AGAP1: variants seen among roughly 807,000 people sequenced by gnomAD.
AGAP1 encodes the protein arf-GAP with GTPase, ANK repeat and PH domain-containing protein 1.
AGAP1 carries 29 observed loss-of-function variants against 105.3 expected under a neutral mutation model. The observed-to-expected ratio is 0.28, with a 90% CI of 0.21 to 0.38. The LOEUF is 0.38. Among genes scored for constraint, AGAP1 ranks in the 10% least tolerant of loss-of-function variants. AGAP1 has a pLI of 1.00. For missense variants in AGAP1, 998 were observed against 1,165.1 expected, an observed-to-expected ratio of 0.86 and a Z score of 2.09; for synonymous variants, 509 against 485.9, an observed-to-expected ratio of 1.05 and a Z score of -0.63.
rs1426722500 is a variant in AGAP1 at position 236,035,342 on chromosome 2, T to A, written c.1646-1219T>A. Reference sequence around the variant, plus strand: ...TGTGTCTGAAAACCTAGTTGAAGATTTCTTAATGAGGGTCTGGTGCAGTGG... The same window carrying A: ...TGTGTCTGAAAACCTAGTTGAAGATATCTTAATGAGGGTCTGGTGCAGTGG... On this transcript the variant is annotated intron_variant, in intron 13 of 17. Coordinates refer to ENST00000304032, the MANE Select transcript of AGAP1 (RefSeq NM_001037131.3). This position sits in a 1 kb window ranked among gnomAD's most constrained non-coding sequence, Gnocchi z 4.2. Among the ~76,000 whole-genome samples the A allele has an allele frequency of 1.3e-5, 2 of 152,154 alleles. No homozygotes were observed. Among genetic ancestry groups the A allele is most frequent in the Non-Finnish European group, 2.9e-5 (2 of 68,022 alleles).
At chr2:235,945,164 G>A (rs892315961) in intron 12 of AGAP1, among the ~76,000 whole-genome samples, 65 of 152,236 alleles carry the variant, frequency 4.3e-4, no homozygotes, top group African/African-American at 1.4e-3. Context: ...GCAGTGGCGC[G>A]ATCTCGGCTC....
intron 12 of AGAP1, among the ~76,000 whole-genome samples, chr2:235,946,434 A>C (rs1320636096): frequency 6.6e-6 from 1 of 151,926 alleles, no homozygotes; most frequent in African/African-American, 2.4e-5. Context: ...CCTCCCAAAG[A>C]GCTGGGGATT....
At chr2:236,066,755 C>T (rs749818248) in intron 16 of AGAP1, among the ~76,000 whole-genome samples, 8 of 152,174 alleles carry the variant, frequency 5.3e-5, no homozygotes, top group Non-Finnish European at 2.9e-5. Context: ...CTGCATAGGT[C>T]TATCAATAAT....
intron 11 of AGAP1, among the ~76,000 whole-genome samples, chr2:235,926,752 G>C (rs566707466): frequency 2.0e-5 from 3 of 152,322 alleles, no homozygotes; most frequent in African/African-American, 7.2e-5. Flanking sequence ...GGAAGGTCCT[G>C]ACCAGAGGTC....
rs552081311 is a variant in AGAP1, at chr2:235,593,773, G to A, written c.163+98924G>A. 2.0e-4 allele frequency among the ~76,000 whole-genome samples: 30 copies of A among 152,144 alleles called. No homozygotes were observed. The South Asian group carries it at 5.2e-3, about 26-fold the overall frequency. ...GAGGCCAGGAGTTCAAGACCAGCCC[G>A]GGCAACATAGTGAGACCCACATCTC... On this transcript the variant is annotated intron_variant, in intron 1 of 17. Transcript: ENST00000304032.
In AGAP1 at chr2:235,633,729, G is replaced by A. The variant is rs1488525343; in HGVS notation, c.164-75450G>A. Among the ~76,000 whole-genome samples the A allele has an allele frequency of 6.6e-6, 1 of 152,162 alleles. No individual in the cohort carries two copies. The highest frequency in any genetic ancestry group is 2.4e-5 in the African/African-American group (1 of 41,454). ...GGGATGGGACCCCTCTGGAATGAGGGTCTTAATTACCTTATGACAGCTTTA... is the reference window on the plus strand; with the variant it reads ...GGGATGGGACCCCTCTGGAATGAGGATCTTAATTACCTTATGACAGCTTTA... On this transcript the variant is annotated intron_variant, in intron 1 of 17. Coordinates refer to ENST00000304032, the MANE Select transcript of AGAP1 (RefSeq NM_001037131.3). This position sits in a 1 kb window ranked among gnomAD's most constrained non-coding sequence, Gnocchi z 4.8.
intron 1 of AGAP1, among the ~76,000 whole-genome samples, chr2:235,580,715 T>C (rs1944902464): frequency 6.6e-6 from 1 of 152,148 alleles, no homozygotes; most frequent in African/African-American, 2.4e-5. Context: ...TGGCCTCTAA[T>C]GTTTTGACAG....
intron 1 of AGAP1, among the ~76,000 whole-genome samples, chr2:235,565,662 A>C (rs1306656529): frequency 2.6e-5 from 4 of 152,140 alleles, no homozygotes; most frequent in South Asian, 4.1e-4. Flanking sequence ...ACATTAAAAG[A>C]CTTTTTGTAT....
In AGAP1 at chr2:235,977,747, T is replaced by G. The variant is rs2054921124; in HGVS notation, c.1645+9124T>G. ...GACTTCATTCCTCTTTCTAAAGATG[T>G]AAAACAAAAGGGGATATTGACTAAT... On this transcript the variant is annotated intron_variant, in intron 13 of 17. Transcript: ENST00000304032. This position sits in a 1 kb window ranked among gnomAD's most constrained non-coding sequence, Gnocchi z 5.2. Among the ~76,000 whole-genome samples, 1 of 152,172 alleles carries G rather than the reference T, an allele frequency of 6.6e-6. No individual in the cohort carries two copies. Among genetic ancestry groups the G allele is most frequent in the Non-Finnish European group, 1.5e-5 (1 of 68,034 alleles).
In AGAP1 at chr2:235,684,602, A is replaced by G. The variant is rs144598103; in HGVS notation, c.164-24577A>G. Among the ~76,000 whole-genome samples the G allele has an allele frequency of 7.4e-4, 112 of 152,294 alleles. 1 individual carries two copies. The East Asian group carries it at 0.02, about 28-fold the overall frequency. ...GGTGCAGAGCAGTGTCTTAGAAATGAGTGAGTCTTAGTGATTTCTTGGAGT... is the reference window on the plus strand; with the variant it reads ...GGTGCAGAGCAGTGTCTTAGAAATGGGTGAGTCTTAGTGATTTCTTGGAGT... On this transcript the variant is annotated intron_variant, in intron 1 of 17. Transcript: ENST00000304032.
intron 9 of AGAP1, among the ~76,000 whole-genome samples, chr2:235,858,460 T>C (rs1221666756): frequency 6.6e-6 from 1 of 152,180 alleles, no homozygotes; most frequent in Non-Finnish European, 1.5e-5. Context: ...GGCAAATTGA[T>C]GGGCAGAACG....
intron 13 of AGAP1, among the ~76,000 whole-genome samples, chr2:236,034,090 C>T (rs1298492572): frequency 2.6e-5 from 4 of 152,146 alleles, no homozygotes; most frequent in Non-Finnish European, 5.9e-5. Flanking sequence ...TATCTGTTCA[C>T]TAGGAGAGTT....
intron 13 of AGAP1, among the ~76,000 whole-genome samples, chr2:236,034,758 C>T (rs753016573): frequency 1.1e-4 from 17 of 152,356 alleles, no homozygotes; most frequent in Middle Eastern, 3.4e-3. Flanking sequence ...GACCTCCACT[C>T]AGCACGTGCA....
chr2:236,052,587 C>T (rs568029398), intron 16 of AGAP1, among the ~76,000 whole-genome samples: 1 of 152,172 alleles, frequency 6.6e-6, no homozygotes, highest in Non-Finnish European at 1.5e-5. Context: ...AAGCTGACGG[C>T]GGCTGAAGCA....
chr2:235,818,061 C>T (rs1240797031), intron 9 of AGAP1, among the ~76,000 whole-genome samples: 2 of 152,248 alleles, frequency 1.3e-5, no homozygotes, highest in Non-Finnish European at 2.9e-5. Context: ...TCAATCCGAT[C>T]TGCTCCCTGC....
intron 1 of AGAP1, among the ~76,000 whole-genome samples, chr2:235,628,325 C>A (rs1946709604): frequency 1.3e-5 from 2 of 152,180 alleles, no homozygotes; most frequent in African/African-American, 4.8e-5. Context: ...GCAGAGGATA[C>A]TGAGCCTGAC....
intron 6 of AGAP1, among the ~76,000 whole-genome samples, chr2:235,768,808 G>A (rs1222052581): frequency 6.6e-6 from 1 of 152,190 alleles, no homozygotes; most frequent in South Asian, 2.1e-4. Flanking sequence ...CAGTGTTGTC[G>A]GGGATCTGGG....
At chr2:236,116,528 T>C (rs2059775212) in intron 16 of AGAP1, among the ~76,000 whole-genome samples, 1 of 151,940 alleles carries the variant, frequency 6.6e-6, no homozygotes, top group Non-Finnish European at 1.5e-5. Flanking sequence ...TTTGTATTTT[T>C]AGTAGAGACA....
rs2055161615 is a variant in AGAP1 at position 235,983,058 on chromosome 2, C to G, written c.1645+14435C>G. Among the ~76,000 whole-genome samples, 1 of 152,186 alleles carries G rather than the reference C, an allele frequency of 6.6e-6. No individual in the cohort carries two copies. Among genetic ancestry groups the G allele is most frequent in the Admixed American group, 6.5e-5 (1 of 15,282 alleles). On this transcript the variant is annotated intron_variant, in intron 13 of 17. Transcript: ENST00000304032. This position sits in a 1 kb window ranked among gnomAD's most constrained non-coding sequence, Gnocchi z 4.5. Reference sequence around the variant, plus strand: ...TGAGCATGAGGAGACATTCCTTAAGCCAGCCTGGTCTGTGGAGGTGTGCTC... The same window carrying G: ...TGAGCATGAGGAGACATTCCTTAAGGCAGCCTGGTCTGTGGAGGTGTGCTC...
Sources: gnomAD v4.1 joint callset for allele counts (sites outside exome capture counted in the v4.1 genomes callset) on GRCh38, gnomAD v4.1.1 for gene constraint, Gnocchi (gnomAD v3.1) non-coding constraint, MANE v1.5 for transcripts, NCBI Gene and HGNC (gene_info 2026-07-23, HGNC 2026-07-21) for gene names.